The following HAVCR1 variants were observed in gnomAD, a reference collection of about 807,000 sequenced individuals.
The protein encoded by HAVCR1 is hepatitis A virus cellular receptor 1, also known as T cell immunoglobin domain and mucin domain protein 1.
Under a neutral mutation model 32.0 loss-of-function variants are expected in HAVCR1, and 34 were observed. That is an observed-to-expected ratio of 1.06 (90% CI 0.81 to 1.42). The LOEUF (loss-of-function observed/expected upper bound fraction) is 1.42. Among genes scored for constraint, HAVCR1 ranks in the 40% most tolerant of loss-of-function variants. The pLI is 0.00. For synonymous variants in HAVCR1, 178 were observed against 170.3 expected, an observed-to-expected ratio of 1.05 and a Z score of -0.35; for missense variants, 420 against 442.3, an observed-to-expected ratio of 0.95 and a Z score of 0.45.
intron 2 of HAVCR1, among the ~76,000 whole-genome samples, chr5:157,057,451 GAAAGAAA>G (rs1756271378): frequency 8.9e-6 from 1 of 111,978 alleles, no homozygotes; most frequent in Non-Finnish European, 2.1e-5. Flanking sequence ...AAGAAAGAAA[GAAAGAAA>G]GAAAGAGAAT....
chr5:157,052,702 C>T, intron 3 of HAVCR1, 48 bp from the exon 4 acceptor site: 1 of 1,518,842 alleles, frequency 6.6e-7, no homozygotes. Context: ...AAACAAGAAA[C>T]AAGAGCCTCA....
chr5:157,059,334 G>C (rs548275955), upstream of HAVCR1, among the ~76,000 whole-genome samples: 2 of 152,332 alleles, frequency 1.3e-5, no homozygotes, highest in African/African-American at 4.8e-5. Context: ...CAGGGTTCAT[G>C]GGGAAGTGGA....
chr5:157,069,406 C>T, the HAVCR1 span, among the ~76,000 whole-genome samples: 2 of 152,184 alleles, frequency 1.3e-5, no homozygotes, highest in Non-Finnish European at 1.5e-5. Context: ...TCCTCCTGGT[C>T]TGTTTGTAGC....
At chr5:157,030,310 G>A (rs542328944) in intron 8 of HAVCR1, among the ~76,000 whole-genome samples, 1 of 152,270 alleles carries the variant, frequency 6.6e-6, no homozygotes, top group East Asian at 1.9e-4. Flanking sequence ...AAACAGAACA[G>A]AGAAACATTG....
intron 5 of HAVCR1, 90 bp downstream of exon 5, chr5:157,048,948 A>G: frequency 1.3e-6 from 1 of 761,176 alleles, no homozygotes; most frequent in South Asian, 1.5e-5. Flanking sequence ...CACTCAGATC[A>G]GTCGTATTCC....
chr5:157,033,366 T>C (rs1743061328), intron 7 of HAVCR1, among the ~76,000 whole-genome samples: 1 of 152,198 alleles, frequency 6.6e-6, no homozygotes, highest in East Asian at 1.9e-4. Flanking sequence ...GAGTAAAGTA[T>C]ATTTTGAGGT....
intron 2 of HAVCR1, 137 bp from the exon 3 acceptor site, chr5:157,055,670 A>C: frequency 1.8e-6 from 1 of 547,472 alleles, no homozygotes; most frequent in Non-Finnish European, 3.2e-6. Context: ...GTTCAAGACC[A>C]GCCTAGCCAA....
At chr5:157,041,927 C>A (rs965609151) in intron 6 of HAVCR1, among the ~76,000 whole-genome samples, 1 of 151,940 alleles carries the variant, frequency 6.6e-6, no homozygotes, top group African/African-American at 2.4e-5. Context: ...GGCGTGGTGG[C>A]GTGCGCCTGT....
At chr5:157,059,996 G>GA (rs900601354), upstream of HAVCR1, among the ~76,000 whole-genome samples, 29 of 145,226 alleles carry the variant, frequency 2.0e-4, no homozygotes, top group Admixed American at 5.5e-4. Context: ...AAAAAAGATT[G>GA]AAAAAAAAAA....
intron 6 of HAVCR1, among the ~76,000 whole-genome samples, chr5:157,037,864 A>C (rs999029108): frequency 6.6e-6 from 1 of 151,978 alleles, no homozygotes; most frequent in African/African-American, 2.4e-5. Context: ...AAATACAAAA[A>C]TCAGCTGGGT....
upstream of HAVCR1, among the ~76,000 whole-genome samples, chr5:157,061,703 C>CAA (rs35095256): frequency 0.55 from 81,417 of 146,698 alleles, 23,278 homozygotes; most frequent in East Asian, 0.84. Context: ...TGAGACTTCT[C>CAA]AAAAAAAAAA....
chr5:157,052,412 C>T lies in HAVCR1; in HGVS notation c.622G>A (p.Val208Ile), dbSNP rs752404284. 12 of 1,611,294 alleles carry T rather than the reference C, an allele frequency of 7.4e-6. No individual in the cohort carries two copies. The highest frequency in any genetic ancestry group is 1.7e-5 in the Admixed American group (1 of 59,718). Residue 208 changes from valine to isoleucine, a missense_variant, in exon 4 of 9, where the codon GTC becomes ATC. Coordinates refer to ENST00000523175, the MANE Select transcript of HAVCR1 (RefSeq NM_001173393.3). ...GGCATTGGAGGAACAAAGGTAGAGA[C>T]AGTTGTTGTCACTGGAACACTTGTT... ...TTTSVPVTTT[V>I]STFVPPMPLP...
intron 3 of HAVCR1, among the ~76,000 whole-genome samples, chr5:157,053,196 C>A (rs80028113): frequency 2.4e-5 from 2 of 81,998 alleles, no homozygotes; most frequent in African/African-American, 1.1e-4. Flanking sequence ...GAGTTCCAGA[C>A]CAGCCTGGGC....
chr5:157,055,136 A>G, intron 3 of HAVCR1, 65 bp downstream of exon 3: 1 of 889,830 alleles, frequency 1.1e-6, no homozygotes, highest in Non-Finnish European at 1.8e-6. Context: ...CTATTAAGAA[A>G]AAAGAAAATT....
chr5:157,055,128 A>C, intron 3 of HAVCR1, 73 bp downstream of exon 3: 1 of 793,022 alleles, frequency 1.3e-6, no homozygotes, highest in Non-Finnish European at 2.1e-6. Context: ...CTCTTTCCCT[A>C]TTAAGAAAAA....
rs1170061128 is a variant in HAVCR1 at position 157,055,538 on chromosome 5, AAAG to A, written c.47-8_47-6del. On this transcript the variant is annotated splice_polypyrimidine_tract_variant and splice_region_variant and intron_variant, in intron 2 of 8. Coordinates refer to ENST00000523175, the MANE Select transcript of HAVCR1 (RefSeq NM_001173393.3). ...TTACAGAACCAGCTACAGAATCTGC[AAAG>A]AAGAAAAGACAAACTGAGAATGAGC... The A allele has an allele frequency of 1.3e-6, 2 of 1,522,504 alleles. No homozygotes were observed. Among genetic ancestry groups the A allele is most frequent in the South Asian group, 1.2e-5 (1 of 81,284 alleles). The allele number at this position is 1,522,504 out of a possible 1,614,324, so 94.3% of individuals were successfully genotyped here.
chr5:157,059,817 C>T (rs1457971401), upstream of HAVCR1, among the ~76,000 whole-genome samples: 1 of 294 alleles, frequency 3.4e-3, no homozygotes, highest in African/African-American at 0.012. Context: ...GACTCCCTCT[C>T]TGCAAAAAAA....
In HAVCR1 at chr5:157,055,261, C is replaced by A. The variant is rs748923252; in HGVS notation, c.319G>T (p.Val107Phe). ...TCATTGAACCACCCACGGTGCTCAA[C>A]ACGGCAACAATATACGCCACTGTCA... ...VSDSGVYCCR[V>F]EHRGWFNDMK... Residue 107 changes from valine (V) to phenylalanine (F), a missense_variant, in exon 3 of 9, where the codon GTT (valine) becomes TTT (phenylalanine). Transcript: ENST00000523175. The A allele has an allele frequency of 6.2e-7, 1 of 1,612,558 alleles. No homozygotes were observed. Among genetic ancestry groups the A allele is most frequent in the Non-Finnish European group, 8.5e-7 (1 of 1,178,790 alleles).
At chr5:157,064,964 A>T in the HAVCR1 span, among the ~76,000 whole-genome samples, 2 of 152,202 alleles carry the variant, frequency 1.3e-5, no homozygotes, top group Non-Finnish European at 2.9e-5. Flanking sequence ...CATGTCTTAG[A>T]CCTGTGTGGA....
Sources: allele counts gnomAD v4.1 joint callset (sites outside exome capture counted in the v4.1 genomes callset), GRCh38; gene constraint gnomAD v4.1.1; transcripts MANE v1.5; gene names NCBI Gene and HGNC (gene_info 2026-07-23, HGNC 2026-07-21).